DPYD: variants seen among roughly 807,000 people sequenced by gnomAD.
DPYD encodes dihydropyrimidine dehydrogenase.
In DPYD, 109 loss-of-function variants were observed where a neutral mutation model predicts 116.2. The observed-to-expected ratio is 0.94, with a 90% CI of 0.80 to 1.10. DPYD has a LOEUF of 1.10. Among genes scored for constraint, DPYD ranks in the 50% least tolerant of loss-of-function variants. The pLI is 0.00. For synonymous variants in DPYD, 440 were observed against 432.0 expected (o/e 1.02, Z -0.23); for missense variants, 1,302 against 1,254.5 (o/e 1.04, Z -0.57).
intron 22 of DPYD, among the ~76,000 whole-genome samples, chr1:97,080,504 AG>A (rs1398372215): frequency 6.6e-6 from 1 of 152,148 alleles, no homozygotes; most frequent in Non-Finnish European, 1.5e-5. Context: ...ATTTTTAAAA[AG>A]TCTGATCTGT....
At chr1:97,748,051 T>A (rs114004399) in intron 3 of DPYD, among the ~76,000 whole-genome samples, 207 of 152,256 alleles carry the variant, frequency 1.4e-3, no homozygotes, top group African/African-American at 4.6e-3. Flanking sequence ...TAGTGAAGAG[T>A]CAATGTATAA....
At chr1:97,790,244 C>G (rs1667246844) in intron 3 of DPYD, among the ~76,000 whole-genome samples, 1 of 152,174 alleles carries the variant, frequency 6.6e-6, no homozygotes, top group Admixed American at 6.5e-5. Context: ...AAAACGAATA[C>G]TCTTCATGGA....
intron 5 of DPYD, among the ~76,000 whole-genome samples, chr1:97,703,701 C>T (rs963310513): frequency 1.3e-5 from 2 of 151,900 alleles, no homozygotes; most frequent in African/African-American, 4.8e-5. Flanking sequence ...GATAATACAT[C>T]GAACACATCC....
intron 18 of DPYD, among the ~76,000 whole-genome samples, chr1:97,293,663 C>T (rs1666348023): frequency 6.6e-6 from 1 of 152,084 alleles, no homozygotes; most frequent in South Asian, 2.1e-4. Flanking sequence ...CAGTCCAGGC[C>T]GGGTGTGGTG....
chr1:97,095,611 A>T (rs1650183122), intron 21 of DPYD, among the ~76,000 whole-genome samples: 1 of 125,070 alleles, frequency 8.0e-6, no homozygotes, highest in Admixed American at 9.3e-5. Context: ...CACAAATTAA[A>T]GCTTCTGTGT....
chr1:97,212,368 T>C (rs1293249425), intron 19 of DPYD, among the ~76,000 whole-genome samples: 2 of 152,164 alleles, frequency 1.3e-5, no homozygotes, highest in Admixed American at 6.6e-5. Flanking sequence ...TTTTTATACA[T>C]GTCAAAATAT....
At chr1:97,919,386 T>C (rs531455104) in intron 1 of DPYD, among the ~76,000 whole-genome samples, 1 of 152,332 alleles carries the variant, frequency 6.6e-6, no homozygotes, top group East Asian at 1.9e-4. Flanking sequence ...TGGCATTCAA[T>C]GTTTCACTGG....
chr1:97,157,691 C>T (rs1655574025), intron 20 of DPYD, among the ~76,000 whole-genome samples: 1 of 152,106 alleles, frequency 6.6e-6, no homozygotes, highest in South Asian at 2.1e-4. Context: ...CCATGGCACA[C>T]AATAGAGTAT....
intron 7 of DPYD, among the ~76,000 whole-genome samples, chr1:97,686,636 CAAAAAAAAAA>C (rs1159274157): frequency 2.9e-3 from 29 of 10,062 alleles, no homozygotes; most frequent in African/African-American, 8.4e-3. Context: ...GACTCTGTCT[CAAAAAAAAAA>C]AAAAAAAAAA....
At chr1:97,309,382 C>T (rs1667360682) in intron 16 of DPYD, among the ~76,000 whole-genome samples, 1 of 148,434 alleles carries the variant, frequency 6.7e-6, no homozygotes, top group Non-Finnish European at 1.5e-5. Context: ...TTCTTCAATA[C>T]CTGTTAACCC....
At chr1:97,901,439 A>G (rs1673363835) in intron 1 of DPYD, among the ~76,000 whole-genome samples, 1 of 151,912 alleles carries the variant, frequency 6.6e-6, no homozygotes, top group East Asian at 1.9e-4. Context: ...TTCCTGGTAC[A>G]CATTGCTTAT....
At chr1:97,853,064 C>T (rs1670647069) in intron 2 of DPYD, among the ~76,000 whole-genome samples, 2 of 152,118 alleles carry the variant, frequency 1.3e-5, no homozygotes, top group African/African-American at 4.8e-5. Flanking sequence ...GGCATCCTAG[C>T]ACTTGGGCAT....
intron 18 of DPYD, among the ~76,000 whole-genome samples, chr1:97,249,761 G>T (rs1662960179): frequency 6.6e-6 from 1 of 152,028 alleles, no homozygotes; most frequent in Non-Finnish European, 1.5e-5. Context: ...GATTACAATA[G>T]ACAAAATACT....
chr1:97,556,837 G>C (rs1651760332), intron 11 of DPYD, among the ~76,000 whole-genome samples: 1 of 151,038 alleles, frequency 6.6e-6, no homozygotes. Context: ...TGTCTTTATA[G>C]CAGCATGATT....
chr1:97,725,314 A>C, intron 4 of DPYD, among the ~76,000 whole-genome samples: 1 of 151,590 alleles, frequency 6.6e-6, no homozygotes, highest in Non-Finnish European at 1.5e-5. Flanking sequence ...AATAATACCT[A>C]AATAAATGAA....
Position 97,373,596 on chromosome 1 carries a change from T to G in DPYD, c.2023A>C (p.Met675Leu). Residue 675 changes from methionine (M) to leucine (L), a missense_variant, in exon 16 of 23, where the codon ATG becomes CTG. Physicochemically the swap from Met to Leu is conservative, Grantham distance 15. Transcript: ENST00000370192. ...LELNLSCPHG[M>L]GERGMGLACG... Reference sequence around the variant, plus strand: ...GCCAGGCCCATTCCTCTTTCTCCCATGCCATGTGGACATGATAAATTTAAC... The same window carrying G: ...GCCAGGCCCATTCCTCTTTCTCCCAGGCCATGTGGACATGATAAATTTAAC... The G allele has an allele frequency of 1.2e-6, 2 of 1,613,912 alleles. No homozygotes were observed. Among genetic ancestry groups the G allele is most frequent in the Non-Finnish European group, 1.7e-6 (2 of 1,179,840 alleles).
intron 13 of DPYD, among the ~76,000 whole-genome samples, chr1:97,501,436 G>A (rs79961076): frequency 0.084 from 12,751 of 151,966 alleles, 654 homozygotes; most frequent in South Asian, 0.1. Context: ...GTGCAGTGAC[G>A]CACACCTATA....
chr1:97,682,679 T>C (rs192049065), intron 7 of DPYD, among the ~76,000 whole-genome samples: 46 of 152,262 alleles, frequency 3.0e-4, no homozygotes, highest in African/African-American at 9.9e-4. Context: ...TGTTATTTGT[T>C]AAATATATAT....
At chr1:97,687,522 T>G (rs758440502) in intron 7 of DPYD, among the ~76,000 whole-genome samples, 2 of 152,198 alleles carry the variant, frequency 1.3e-5, no homozygotes, top group Non-Finnish European at 2.9e-5. Context: ...GCTTTTACAC[T>G]GTTAGTGGAA....
Sources: allele counts gnomAD v4.1 joint callset (sites outside exome capture counted in the v4.1 genomes callset), GRCh38; gene constraint gnomAD v4.1.1; transcripts MANE v1.5; gene names NCBI Gene and HGNC (gene_info 2026-07-23, HGNC 2026-07-21).